RBX1: variants seen among roughly 807,000 people sequenced by gnomAD.
RBX1 encodes the protein E3 ubiquitin-protein ligase RBX1.
For synonymous variants in RBX1, 48 were observed against 47.9 expected (o/e 1.00, Z -0.01); for missense variants, 46 against 141.4 (o/e 0.33, Z 3.42).
intron 3 of RBX1, among the ~76,000 whole-genome samples, chr22:40,964,717 T>G (rs2058349429): frequency 6.6e-6 from 1 of 152,190 alleles, no homozygotes; most frequent in African/African-American, 2.4e-5. Flanking sequence ...AAAGTCCCAG[T>G]CACATGAGCT....
intron 4 of RBX1, among the ~76,000 whole-genome samples, chr22:40,968,085 CTTTTTTTTTTT>C (rs938566744): frequency 9.0e-6 from 1 of 111,234 alleles, no homozygotes; most frequent in East Asian, 2.7e-4. Context: ...GTTTCCCAAC[CTTTTTTTTTTT>C]TTTTTTTTTT....
At chr22:40,951,512 G>A (rs1270349852) in intron 1 of RBX1, 36 bp downstream of exon 1, 1 of 1,598,722 alleles carries the variant, frequency 6.3e-7, no homozygotes, top group Non-Finnish European at 8.5e-7. Flanking sequence ...AGGGAAGCTA[G>A]AGAGGCGCGG....
intron 4 of RBX1, among the ~76,000 whole-genome samples, chr22:40,969,801 A>G (rs919226549): frequency 3.3e-5 from 5 of 152,022 alleles, no homozygotes; most frequent in Admixed American, 1.3e-4. Flanking sequence ...AGGCAGGAGA[A>G]TCACTTGAGC....
At chr22:40,954,779 G>T (rs1210263481) in intron 2 of RBX1, among the ~76,000 whole-genome samples, 2 of 151,338 alleles carry the variant, frequency 1.3e-5, no homozygotes, top group African/African-American at 4.9e-5. Flanking sequence ...AAGCAGCCAT[G>T]GCCCCGGCCA....
intron 4 of RBX1, among the ~76,000 whole-genome samples, chr22:40,970,126 T>C (rs9619926): frequency 0.067 from 9,778 of 146,314 alleles, 1,041 homozygotes; most frequent in African/African-American, 0.23. Flanking sequence ...GAGGCTGAGG[T>C]GGGTGGATCA....
chr22:40,964,060 A>G lies in RBX1; in HGVS notation c.171A>G (p.Gln57=), dbSNP rs1390102491. Residue 57 remains glutamine, a synonymous_variant, in exon 3 of 5, where the codon CAA becomes CAG. Coordinates refer to ENST00000216225, the MANE Select transcript of RBX1 (RefSeq NM_014248.4). ...TTGTTCCCACAGGCATAGAATGTCA[A>G]GCTAACCAGGCGTCCGCTACTTCAG... is the stretch of plus-strand genomic sequence containing the variant. ...NHIMDLCIEC[Q]ANQASATSEE... The G allele has an allele frequency of 1.2e-6, 2 of 1,613,936 alleles. No individual in the cohort carries two copies. Among genetic ancestry groups the G allele is most frequent in the Non-Finnish European group, 1.7e-6 (2 of 1,179,932 alleles).
chr22:40,964,362 A>G, intron 3 of RBX1: 1 of 368,146 alleles, frequency 2.7e-6, no homozygotes, highest in Non-Finnish European at 5.0e-6. Context: ...TGTTAGCAGT[A>G]TTTTGGGGCT....
At chr22:40,952,741 G>A (rs1055487214) in intron 1 of RBX1, among the ~76,000 whole-genome samples, 16 of 152,114 alleles carry the variant, frequency 1.1e-4, no homozygotes, top group African/African-American at 3.9e-4. Flanking sequence ...TGTAGAATTT[G>A]TTATGAAGTA....
intron 2 of RBX1, among the ~76,000 whole-genome samples, chr22:40,956,064 A>AT (rs67333529): frequency 3.3e-5 from 5 of 151,254 alleles, no homozygotes; most frequent in Non-Finnish European, 5.9e-5. Context: ...TATAACCCTG[A>AT]TTTTTTTTTC....
chr22:40,969,045 G>T (rs2058361589), intron 4 of RBX1, among the ~76,000 whole-genome samples: 1 of 152,006 alleles, frequency 6.6e-6, no homozygotes, highest in Non-Finnish European at 1.5e-5. Flanking sequence ...CAGGCACGGT[G>T]GCTCACGCCT....
chr22:40,954,837 A>AG (rs991392270), intron 2 of RBX1, among the ~76,000 whole-genome samples: 2 of 151,370 alleles, frequency 1.3e-5, no homozygotes, highest in Non-Finnish European at 2.9e-5. Flanking sequence ...CCCAGGTTGG[A>AG]GTGCAGTGGC....
chr22:40,951,764 G>T (rs1407229357), intron 1 of RBX1, among the ~76,000 whole-genome samples: 1 of 137,892 alleles, frequency 7.3e-6, no homozygotes, highest in Non-Finnish European at 1.5e-5. Context: ...CGCTTGAGCT[G>T]TCACTGGAGT....
intron 2 of RBX1, among the ~76,000 whole-genome samples, chr22:40,959,049 C>T (rs1244478754): frequency 3.9e-5 from 6 of 152,112 alleles, no homozygotes; most frequent in Non-Finnish European, 8.8e-5. Flanking sequence ...CTCCTGACCT[C>T]GAGTGATCCA....
At position 40,972,853 on chromosome 22, in the gene RBX1, C is replaced by T. The variant is rs887809107; in HGVS notation, c.*365C>T. 5.9e-5 allele frequency: 10 copies of T among 170,264 alleles called. No individual in the cohort carries two copies. Among genetic ancestry groups the T allele is most frequent in the Admixed American group, 1.2e-4 (2 of 16,136 alleles). 10.5% of individuals were successfully genotyped at this position (170,264 alleles called of 1,614,324 possible). A position where few individuals can be genotyped will look rare whatever the true frequency, so the allele number is the denominator to read the frequency against. On this transcript the variant is annotated 3_prime_UTR_variant, in exon 5 of 5. Coordinates refer to ENST00000216225, the MANE Select transcript of RBX1 (RefSeq NM_014248.4). ...AGGCAGAGTGTGGATCACCGGCTCC[C>T]GAAAACAGCAGTCAGCCCTTCTTTC...
At chr22:40,951,943 C>G (rs2058312167) in intron 1 of RBX1, among the ~76,000 whole-genome samples, 1 of 152,142 alleles carries the variant, frequency 6.6e-6, no homozygotes, top group African/African-American at 2.4e-5. Flanking sequence ...TGCTCCGCCC[C>G]TTTTTGAAGC....
chr22:40,963,465 A>C (rs542478753), intron 2 of RBX1, among the ~76,000 whole-genome samples: 1 of 151,918 alleles, frequency 6.6e-6, no homozygotes, highest in Non-Finnish European at 1.5e-5. Context: ...GAGAAACCCC[A>C]TCTCTACTAA....
At chr22:40,957,647 AACACTGTT>A (rs1277150579) in intron 2 of RBX1, among the ~76,000 whole-genome samples, 3 of 152,084 alleles carry the variant, frequency 2.0e-5, no homozygotes, top group Non-Finnish European at 4.4e-5. Context: ...CAAAAAGAGA[AACACTGTT>A]TATTTTTTAT....
chr22:40,970,664 ATTTTC>A (rs2058366716), intron 4 of RBX1, among the ~76,000 whole-genome samples: 3 of 151,886 alleles, frequency 2.0e-5, no homozygotes, highest in African/African-American at 7.3e-5. Context: ...ATTATTGGTC[ATTTTC>A]TTTACTGAAT....
intron 3 of RBX1, 37 bp from the exon 4 acceptor site, chr22:40,967,762 T>A: frequency 1.3e-6 from 2 of 1,561,498 alleles, no homozygotes; most frequent in Non-Finnish European, 8.8e-7. Flanking sequence ...TGAGCCTGCA[T>A]AGAGTTATTT....
Sources: gnomAD v4.1 joint callset for allele counts (sites outside exome capture counted in the v4.1 genomes callset) on GRCh38, gnomAD v4.1.1 for gene constraint, MANE v1.5 for transcripts, NCBI Gene and HGNC (gene_info 2026-07-23, HGNC 2026-07-21) for gene names.